ACYP1: variants seen among roughly 807,000 people sequenced by gnomAD.
The protein encoded by ACYP1 is acylphosphatase 1.
Under a neutral mutation model 10.4 loss-of-function variants are expected in ACYP1, and 8 were observed. The observed-to-expected ratio is 0.77, with a 90% CI of 0.45 to 1.38. The LOEUF (loss-of-function observed/expected upper bound fraction) is 1.38. Among genes scored for constraint, ACYP1 ranks in the 40% most tolerant of loss-of-function variants. ACYP1 has a pLI of 0.00. For synonymous variants in ACYP1, 38 were observed against 40.8 expected (o/e 0.93, Z 0.26); for missense variants, 93 against 117.3 (o/e 0.79, Z 0.96).
At chr14:75,069,428 G>A (rs1356021787) in exon 1 of ACYP1, 12 of 670,244 alleles carry the variant, frequency 1.8e-5, no homozygotes, top group Non-Finnish European at 2.6e-5. Flanking sequence ...AGCCTCTCCC[G>A]CCCCTCCCCG....
chr14:75,066,592 G>A (rs1244362220), upstream of ACYP1, among the ~76,000 whole-genome samples: 7 of 152,174 alleles, frequency 4.6e-5, no homozygotes, highest in Admixed American at 2.0e-4. Flanking sequence ...TAGGCCAGGC[G>A]TGATGGCTCA....
At chr14:75,064,679 A>G (rs1455320365), upstream of ACYP1, among the ~76,000 whole-genome samples, 1 of 152,148 alleles carries the variant, frequency 6.6e-6, no homozygotes. Context: ...GGCTGCAGTG[A>G]GCCGAGATTG....
At chr14:75,054,626 G>T (rs1027856618) in intron 2 of ACYP1, among the ~76,000 whole-genome samples, 1 of 151,554 alleles carries the variant, frequency 6.6e-6, no homozygotes, top group African/African-American at 2.4e-5. Flanking sequence ...GGAAATTGCT[G>T]GAGTTGGCCA....
chr14:75,060,684 A>G (rs532840576), intron 2 of ACYP1, among the ~76,000 whole-genome samples: 1 of 152,348 alleles, frequency 6.6e-6, no homozygotes, highest in South Asian at 2.1e-4. Flanking sequence ...TACATGCTAC[A>G]GTGTAGATAA....
chr14:75,059,611 C>A (rs1462141169), intron 2 of ACYP1, among the ~76,000 whole-genome samples: 1 of 151,992 alleles, frequency 6.6e-6, no homozygotes, highest in Non-Finnish European at 1.5e-5. Context: ...AATAAGGAGG[C>A]AAATAACTAA....
At chr14:75,062,680 A>AAAAAAAAG (rs1893057582) in intron 2 of ACYP1, among the ~76,000 whole-genome samples, 1 of 147,154 alleles carries the variant, frequency 6.8e-6, no homozygotes, top group African/African-American at 2.5e-5. Context: ...AAAAAAAAAA[A>AAAAAAAAG]AGAAGTTTTG....
chr14:75,064,135 A>C, upstream of ACYP1: 1 of 703,760 alleles, frequency 1.4e-6, no homozygotes. Flanking sequence ...CCCGCCCAGA[A>C]GGTGGGATTT....
intron 2 of ACYP1, among the ~76,000 whole-genome samples, chr14:75,057,981 A>AAAC (rs1892920596): frequency 1.4e-5 from 2 of 147,444 alleles, no homozygotes; most frequent in South Asian, 4.3e-4. Context: ...AAAAAAAAAA[A>AAAC]AAAAAAAGAA....
intron 2 of ACYP1, among the ~76,000 whole-genome samples, chr14:75,062,232 G>T (rs1262613555): frequency 6.7e-6 from 1 of 149,418 alleles, no homozygotes; most frequent in Non-Finnish European, 1.5e-5. Context: ...CTGGGAGTTT[G>T]AGACCAGCCT....
At chr14:75,053,995 G>C (rs1163756021) in intron 2 of ACYP1, among the ~76,000 whole-genome samples, 2 of 152,196 alleles carry the variant, frequency 1.3e-5, no homozygotes, top group East Asian at 1.9e-4. Flanking sequence ...ATACTGGACT[G>C]TATCTTGCTC....
At chr14:75,055,522 A>G (rs1306158573) in intron 2 of ACYP1, among the ~76,000 whole-genome samples, 6 of 151,424 alleles carry the variant, frequency 4.0e-5, no homozygotes, top group Non-Finnish European at 7.4e-5. Flanking sequence ...TTATTGACTC[A>G]TGTTCAGTTT....
At chr14:75,061,296 GATGTAA>G (rs1404203325) in intron 2 of ACYP1, among the ~76,000 whole-genome samples, 1 of 152,110 alleles carries the variant, frequency 6.6e-6, no homozygotes, top group East Asian at 1.9e-4. Flanking sequence ...GGTTTTATGG[GATGTAA>G]ATTATATTCC....
intron 2 of ACYP1, 132 bp from the exon 3 acceptor site, chr14:75,053,791 A>G: frequency 5.3e-6 from 4 of 757,160 alleles, no homozygotes; most frequent in Non-Finnish European, 8.5e-6. Context: ...AACAGTCAAA[A>G]GAAAGACAGC....
upstream of ACYP1, among the ~76,000 whole-genome samples, chr14:75,066,984 G>C (rs1417779911): frequency 6.6e-6 from 1 of 152,140 alleles, no homozygotes; most frequent in Non-Finnish European, 1.5e-5. Flanking sequence ...GAATGGGAGA[G>C]GATCAGAGTT....
chr14:75,057,964 C>CAAAAAAAAAAAAAAAAAAAAAAA (rs769312151), intron 2 of ACYP1, among the ~76,000 whole-genome samples: 1 of 38,804 alleles, frequency 2.6e-5, no homozygotes, highest in African/African-American at 1.1e-4. Flanking sequence ...GACTCTGTCT[C>CAAAAAAAAAAAAAAAAAAAAAAA]AAAAAAAAAA....
chr14:75,063,404 A>G (rs955691970), intron 2 of ACYP1, 66 bp downstream of exon 2: 3 of 1,378,764 alleles, frequency 2.2e-6, no homozygotes, highest in African/African-American at 2.8e-5. Context: ...ACATTTGTCA[A>G]GAACACGTCC....
upstream of ACYP1, among the ~76,000 whole-genome samples, chr14:75,066,853 G>GA (rs1398482157): frequency 6.6e-6 from 1 of 151,670 alleles, no homozygotes; most frequent in East Asian, 1.9e-4. Flanking sequence ...CTGTCTCAAA[G>GA]AAAAAAAGGA....
intron 2 of ACYP1, chr14:75,061,582 G>A (rs180795708): frequency 1.6e-6 from 1 of 613,050 alleles, no homozygotes; most frequent in Non-Finnish European, 2.6e-6. Flanking sequence ...GGCAGGTAGA[G>A]AAAGATGGGC....
chr14:75,060,069 T>C (rs557371542), intron 2 of ACYP1: 5 of 474,276 alleles, frequency 1.1e-5, no homozygotes, highest in Admixed American at 3.9e-5. Flanking sequence ...CACTGAATTG[T>C]ACATTTAAAA....
Sources: allele counts gnomAD v4.1 joint callset (sites outside exome capture counted in the v4.1 genomes callset), GRCh38; gene constraint gnomAD v4.1.1; transcripts MANE v1.5; gene names NCBI Gene and HGNC (gene_info 2026-07-23, HGNC 2026-07-21).